The following GCNA variants were observed in gnomAD, a reference collection of about 807,000 sequenced individuals.
GCNA encodes the protein germ cell nuclear acidic peptidase.
GCNA carries 3 observed loss-of-function variants against 38.8 expected under a neutral mutation model. The observed-to-expected ratio is 0.08, with a 90% CI of 0.04 to 0.20. GCNA has a LOEUF of 0.20. GCNA is among the 10% of genes least tolerant of loss of function. The probability of loss-of-function intolerance (pLI) is 1.00; values close to 1 mark genes in which losing one functional copy is unlikely to be tolerated. For synonymous variants in GCNA, 195 were observed against 240.2 expected, an observed-to-expected ratio of 0.81 and a Z score of 1.74; for missense variants, 446 against 578.6, an observed-to-expected ratio of 0.77 and a Z score of 2.35.
chrX:71,610,878 G>A lies in GCNA; in HGVS notation c.1750+59G>A, dbSNP rs1311249332. 5 of 1,189,303 alleles carry A rather than the reference G, an allele frequency of 4.2e-6. No individual in the cohort carries two copies. The East Asian group carries it at 1.2e-4, about 28-fold the overall frequency. ...GCTCTTTCCTTCTGACACCGTGCCT[G>A]TGAAATTACTCCTAGCTGGTAGCCT... On this transcript the variant is annotated intron_variant, in intron 11 of 12. Coordinates refer to ENST00000373696, the MANE Select transcript of GCNA (RefSeq NM_052957.5).
At chrX:71,589,124 G>C (rs2040605526) in intron 2 of GCNA, among the ~76,000 whole-genome samples, 1 of 110,370 alleles carries the variant, frequency 9.1e-6, no homozygotes, top group African/African-American at 3.3e-5. Context: ...CCAAAGTGTT[G>C]GGATTATAGG....
At chrX:71,612,621 G>T in intron 12 of GCNA, 62 bp downstream of exon 12, 6 of 1,044,031 alleles carry the variant, frequency 5.7e-6, no homozygotes, top group Non-Finnish European at 7.9e-6. Flanking sequence ...TGGCTCTTCA[G>T]TGATTTTATA....
At chrX:71,591,038 C>T (rs1253192530) in intron 2 of GCNA, among the ~76,000 whole-genome samples, 3 of 111,524 alleles carry the variant, frequency 2.7e-5, no homozygotes, top group Non-Finnish European at 5.6e-5. Flanking sequence ...TTATGTCCCC[C>T]TCCTTTAGCA....
At chrX:71,580,469 A>C (rs765038011) in intron 1 of GCNA, 79 of 110,953 alleles carry the variant, frequency 7.1e-4, no homozygotes, top group Middle Eastern at 8.8e-3. Context: ...TTTTTATTTT[A>C]TTTTCTTTTT....
chrX:71,608,995 G>C lies in GCNA; in HGVS notation c.1489G>C (p.Gly497Arg). 1 of 1,210,499 alleles carries C rather than the reference G, an allele frequency of 8.3e-7. No homozygotes were observed. The highest frequency in any genetic ancestry group is 2.2e-5 in the Admixed American group (1 of 45,922). Reference protein sequence around the residue: ...KTRTPKCKVPGCFLQDLEKSK... With the variant: ...KTRTPKCKVPRCFLQDLEKSK... ...CAGGACTCCTAAATGCAAAGTCCCT[G>C]GATGTTTCTTGCAAGACCTTGAAAA... The change falls in exon 10 of 13, where the codon GGA becomes CGA. Residue 497 changes from glycine to arginine, a missense_variant. Around this residue, in one of 7 missense-constraint regions of GCNA, gnomAD observed 160 missense variants for 165.2 expected, o/e 0.97. Coordinates refer to ENST00000373696, the MANE Select transcript of GCNA (RefSeq NM_052957.5).
At chrX:71,600,518 C>T (rs2040704788) in intron 7 of GCNA, among the ~76,000 whole-genome samples, 1 of 111,368 alleles carries the variant, frequency 9.0e-6, no homozygotes, top group African/African-American at 3.3e-5. Flanking sequence ...TACAAGTCTG[C>T]AGACCCGTGT....
chrX:71,600,744 G>A (rs1010284873), intron 7 of GCNA, among the ~76,000 whole-genome samples: 2 of 111,956 alleles, frequency 1.8e-5, no homozygotes, highest in Admixed American at 1.9e-4. Context: ...GAGATGTTTT[G>A]ATACAAGCAT....
chrX:71,610,013 C>A (rs1379528375), intron 10 of GCNA, among the ~76,000 whole-genome samples: 1 of 111,342 alleles, frequency 9.0e-6, no homozygotes, highest in Non-Finnish European at 1.9e-5. Flanking sequence ...TCTGAGTTGC[C>A]TTTTCAGTCC....
intron 7 of GCNA, among the ~76,000 whole-genome samples, chrX:71,600,552 G>T (rs972423874): frequency 7.1e-5 from 8 of 111,951 alleles, no homozygotes; most frequent in African/African-American, 2.6e-4. Flanking sequence ...AGCAACTACT[G>T]TATCTTGCTA....
intron 2 of GCNA, among the ~76,000 whole-genome samples, chrX:71,589,520 C>T (rs1157244630): frequency 2.5e-5 from 2 of 80,729 alleles, no homozygotes; most frequent in Non-Finnish European, 4.4e-5. Context: ...GGCTGGAGTG[C>T]GGTGGTGCAA....
At chrX:71,610,640 A>G (rs753945355) in intron 10 of GCNA, 41 bp from the exon 11 acceptor site, 1 of 1,194,770 alleles carries the variant, frequency 8.4e-7, no homozygotes, top group Non-Finnish European at 1.1e-6. Context: ...AAAAAACCCA[A>G]AACAGCTTTC....
intron 11 of GCNA, among the ~76,000 whole-genome samples, chrX:71,611,121 T>C (rs888433296): frequency 8.9e-6 from 1 of 112,190 alleles, no homozygotes; most frequent in African/African-American, 3.2e-5. Context: ...AATCACCAAA[T>C]CTTCCTTCAG....
rs756270122 is a variant in GCNA, at chrX:71,612,283, G to GAAA, written c.1751-49_1751-47dup. On this transcript the variant is annotated intron_variant, in intron 11 of 12. Coordinates refer to ENST00000373696, the MANE Select transcript of GCNA (RefSeq NM_052957.5). ...ACAAAGCAAGACTATCTCAAAAAAG[G>GAAA]AAAAAAAAAAAAAAAAAAAAAAAAA... The GAAA allele has an allele frequency of 9.7e-3, 2,754 of 284,247 alleles. 3 individuals carry two copies. Among genetic ancestry groups the GAAA allele is most frequent in the Admixed American group, 0.021 (219 of 10,484 alleles). The allele number at this position is 284,247 out of a possible 1,213,427, so 23.4% of individuals were successfully genotyped here. A position where few individuals can be genotyped will look rare whatever the true frequency, so the allele number is the denominator to read the frequency against.
intron 2 of GCNA, among the ~76,000 whole-genome samples, chrX:71,587,360 C>G (rs1415307413): frequency 9.1e-6 from 1 of 109,489 alleles, no homozygotes; most frequent in Non-Finnish European, 1.9e-5. Context: ...GAAGTTGTAC[C>G]GAAATGCATA....
At chrX:71,598,466 G>A (rs1241021121) in intron 7 of GCNA, among the ~76,000 whole-genome samples, 1 of 111,900 alleles carries the variant, frequency 8.9e-6, no homozygotes, top group Admixed American at 9.5e-5. Context: ...TTGAAGGGTG[G>A]TGGTTATGGG....
chrX:71,603,412 A>G (rs1248830509), intron 7 of GCNA, among the ~76,000 whole-genome samples, 176 bp from the exon 8 acceptor site: 1 of 112,574 alleles, frequency 8.9e-6, no homozygotes, highest in Non-Finnish European at 1.9e-5. Flanking sequence ...ATCCATGAAC[A>G]TGGAATCTTT....
chrX:71,578,999 G>T (rs1157891922), intron 1 of GCNA, among the ~76,000 whole-genome samples: 1 of 104,147 alleles, frequency 9.6e-6, no homozygotes, highest in Non-Finnish European at 2.0e-5. Context: ...TGGTGGTGGT[G>T]TAGGAGCATG....
At chrX:71,602,295 G>A (rs750148460) in intron 7 of GCNA, among the ~76,000 whole-genome samples, 8 of 110,682 alleles carry the variant, frequency 7.2e-5, no homozygotes, top group Non-Finnish European at 1.5e-4. Context: ...CAAGCGATTC[G>A]CCTGCCTCAG....
Position 71,613,203 on chromosome X carries a change from G to C in GCNA, c.*221G>C, listed in dbSNP as rs776354086. 12 of 390,385 alleles carry C rather than the reference G, an allele frequency of 3.1e-5. No homozygotes were observed. In the South Asian group the frequency reaches 4.9e-4, roughly 16 times the overall value. 32.2% of individuals were successfully genotyped at this position (390,385 alleles called of 1,213,427 possible). ...TTAGGAATATTAGAATTTAGGTACT[G>C]TTAAGTAAGTAATGTTAGAATTTAA... On this transcript the variant is annotated 3_prime_UTR_variant, in exon 13 of 13. Transcript: ENST00000373696.
Sources: allele counts gnomAD v4.1 joint callset (sites outside exome capture counted in the v4.1 genomes callset), GRCh38; gene constraint gnomAD v4.1.1; regional missense constraint gnomAD v4.1.1; transcripts MANE v1.5; gene names NCBI Gene and HGNC (gene_info 2026-07-23, HGNC 2026-07-21).